The following ISM1 variants were observed in gnomAD, a reference collection of about 807,000 sequenced individuals.
ISM1 encodes isthmin-1.
A neutral mutation model predicts 46.3 loss-of-function variants in ISM1; 25 were observed. The ratio of observed to expected loss-of-function variants is 0.54; its 90% confidence interval spans 0.39 to 0.75. ISM1 has a LOEUF of 0.75. Among genes scored for constraint, ISM1 ranks in the 30% least tolerant of loss-of-function variants. The pLI, the probability that ISM1 is intolerant of heterozygous loss-of-function variation, is 0.00. For synonymous variants in ISM1, 255 were observed against 256.7 expected (o/e 0.99, Z 0.06); for missense variants, 536 against 625.4 (o/e 0.86, Z 1.52).
chr20:13,307,726 T>A, the ISM1 span, among the ~76,000 whole-genome samples: 1 of 152,228 alleles, frequency 6.6e-6, no homozygotes, highest in Non-Finnish European at 1.5e-5. Context: ...TTGCTCAATA[T>A]TGGATTGTGA....
chr20:13,262,033 T>C (rs1327138590), intron 1 of ISM1, among the ~76,000 whole-genome samples: 2 of 152,208 alleles, frequency 1.3e-5, no homozygotes, highest in Non-Finnish European at 2.9e-5. Context: ...CTTAGATACT[T>C]GGGCCTTTTA....
the ISM1 span, among the ~76,000 whole-genome samples, chr20:13,310,332 GT>G: frequency 4.5e-4 from 68 of 152,240 alleles, 1 homozygote; most frequent in African/African-American, 1.6e-3. Flanking sequence ...GGAAAGGGTG[GT>G]CTCTTCAATA....
chr20:13,311,879 T>C, the ISM1 span, among the ~76,000 whole-genome samples: 17 of 152,200 alleles, frequency 1.1e-4, no homozygotes, highest in African/African-American at 4.1e-4. Context: ...TACAGCATGA[T>C]GACTGTAGTT....
At chr20:13,277,939 C>A (rs970475014) in intron 2 of ISM1, among the ~76,000 whole-genome samples, 5 of 152,282 alleles carry the variant, frequency 3.3e-5, no homozygotes, top group African/African-American at 1.2e-4. Flanking sequence ...CCTCCCCATT[C>A]GTAACACAAA....
intron 1 of ISM1, among the ~76,000 whole-genome samples, chr20:13,243,140 CA>C (rs34029618): frequency 0.29 from 43,795 of 151,934 alleles, 6,567 homozygotes; most frequent in African/African-American, 0.38. Flanking sequence ...TGTCTATTAC[CA>C]AAAAAGAACT....
chr20:13,310,465 A>G, the ISM1 span, among the ~76,000 whole-genome samples: 18,392 of 150,574 alleles, frequency 0.12, 1,299 homozygotes, highest in East Asian at 0.36. Flanking sequence ...CTAAAACTGT[A>G]AAACAACTGG....
chr20:13,227,862 A>ATCTT (rs1325956462), intron 1 of ISM1, among the ~76,000 whole-genome samples: 1 of 151,680 alleles, frequency 6.6e-6, no homozygotes, highest in Non-Finnish European at 1.5e-5. Flanking sequence ...AATAATGTCT[A>ATCTT]TCTTAGGAAT....
At chr20:13,314,441 A>T in the ISM1 span, among the ~76,000 whole-genome samples, 4 of 152,074 alleles carry the variant, frequency 2.6e-5, no homozygotes, top group Non-Finnish European at 5.9e-5. Context: ...TCTCCTCAGA[A>T]ACCACATAAG....
At chr20:13,253,896 T>C (rs1237266474) in intron 1 of ISM1, among the ~76,000 whole-genome samples, 2 of 151,672 alleles carry the variant, frequency 1.3e-5, no homozygotes, top group Non-Finnish European at 2.9e-5. Flanking sequence ...TGTATGTTTA[T>C]ACACACACAT....
chr20:13,267,478 A>T (rs1027663455), intron 1 of ISM1, among the ~76,000 whole-genome samples: 1 of 152,136 alleles, frequency 6.6e-6, no homozygotes, highest in African/African-American at 2.4e-5. Context: ...TGTAGACACA[A>T]CCCAACCCAA....
chr20:13,305,329 C>T (rs1424107674), downstream of ISM1, among the ~76,000 whole-genome samples: 1 of 152,008 alleles, frequency 6.6e-6, no homozygotes, highest in Admixed American at 6.6e-5. Flanking sequence ...TTGCTGACTA[C>T]AGACCCGTAC....
chr20:13,269,934 A>AGGATGGATGGATGGAT (rs60897306), intron 1 of ISM1, among the ~76,000 whole-genome samples: 10,180 of 149,814 alleles, frequency 0.068, 407 homozygotes, highest in Middle Eastern at 0.095. Context: ...TGTGGGTGGA[A>AGGATGGATGGATGGAT]GGATGGATGG....
chr20:13,271,621 C>T (rs2040116741), intron 2 of ISM1, among the ~76,000 whole-genome samples: 1 of 152,196 alleles, frequency 6.6e-6, no homozygotes, highest in Non-Finnish European at 1.5e-5. Context: ...AATCCAGGCT[C>T]TCAGACTCCC....
At chr20:13,294,867 C>T (rs1252555376) in intron 5 of ISM1, among the ~76,000 whole-genome samples, 1 of 152,156 alleles carries the variant, frequency 6.6e-6, no homozygotes, top group African/African-American at 2.4e-5. Context: ...AAAACTGAAG[C>T]ACAGCAAGGT....
chr20:13,284,827 T>A (rs2040274522), intron 3 of ISM1, among the ~76,000 whole-genome samples: 1 of 151,834 alleles, frequency 6.6e-6, no homozygotes, highest in African/African-American at 2.4e-5. Context: ...GAAAAAAATG[T>A]TTGGAAATAA....
chr20:13,285,767 A>C (rs1202426347), intron 3 of ISM1, among the ~76,000 whole-genome samples: 11 of 152,258 alleles, frequency 7.2e-5, no homozygotes, highest in Non-Finnish European at 1.6e-4. Flanking sequence ...TTAATAATTT[A>C]GATCCAAGAA....
intron 1 of ISM1, among the ~76,000 whole-genome samples, chr20:13,254,351 G>A (rs972521056): frequency 1.8e-4 from 27 of 152,186 alleles, no homozygotes; most frequent in Admixed American, 9.2e-4. Context: ...ATAAACAGAT[G>A]TATATACAAA....
chr20:13,324,994 T>C, the ISM1 span, among the ~76,000 whole-genome samples: 2 of 152,224 alleles, frequency 1.3e-5, no homozygotes, highest in African/African-American at 4.8e-5. Flanking sequence ...CGGCTTCTTA[T>C]CCTGTTAGTG....
chr20:13,257,044 AG>A (rs753169787), intron 1 of ISM1, among the ~76,000 whole-genome samples: 1 of 152,188 alleles, frequency 6.6e-6, no homozygotes, highest in Non-Finnish European at 1.5e-5. Context: ...AATAATAAAG[AG>A]GAGAAAAGAA....
Sources: gnomAD v4.1 joint callset for allele counts (sites outside exome capture counted in the v4.1 genomes callset) on GRCh38, gnomAD v4.1.1 for gene constraint, MANE v1.5 for transcripts, NCBI Gene and HGNC (gene_info 2026-07-23, HGNC 2026-07-21) for gene names.